The following DLGAP1 variants were observed in gnomAD, a reference collection of about 807,000 sequenced individuals.
DLGAP1 encodes the protein disks large-associated protein 1.
In DLGAP1, 11 loss-of-function variants were observed where a neutral mutation model predicts 90.8. The observed-to-expected ratio is 0.12, with a 90% CI of 0.08 to 0.20. The LOEUF (loss-of-function observed/expected upper bound fraction) is 0.20. Among genes scored for constraint, DLGAP1 ranks in the 10% least tolerant of loss-of-function variants. The pLI is 1.00. For synonymous variants in DLGAP1, 558 were observed against 540.7 expected, an observed-to-expected ratio of 1.03 and a Z score of -0.44; for missense variants, 1,050 against 1,333.8, an observed-to-expected ratio of 0.79 and a Z score of 3.31.
intron 1 of DLGAP1, among the ~76,000 whole-genome samples, chr18:4,280,159 G>T (rs185231821): frequency 1.6e-3 from 236 of 151,976 alleles, no homozygotes; most frequent in African/African-American, 5.4e-3. Context: ...CTTAATATCT[G>T]TATAAGTTGA....
chr18:3,691,357 G>C (rs904903733), intron 7 of DLGAP1, among the ~76,000 whole-genome samples: 1 of 151,514 alleles, frequency 6.6e-6, no homozygotes, highest in Non-Finnish European at 1.5e-5. Context: ...GAACCTGGGA[G>C]ATGGAGGTTG....
intron 7 of DLGAP1, among the ~76,000 whole-genome samples, chr18:3,582,704 G>A (rs1051659113): frequency 7.9e-5 from 12 of 152,070 alleles, no homozygotes; most frequent in Admixed American, 7.9e-4. Flanking sequence ...AAGAAAAAAG[G>A]AAGGCAAAGA....
rs184975905 is a variant in DLGAP1, at chr18:3,757,484, A to C, written c.1173-14972T>G. On this transcript the variant is annotated intron_variant, in intron 5 of 12. Coordinates refer to ENST00000315677, the MANE Select transcript of DLGAP1 (RefSeq NM_004746.4). The stretch of plus-strand genomic sequence containing the variant: ...TAATAGCCCTCATTAATATACACCC[A>C]AAAATTCCCAACAAAACAATAGTAA... Among the ~76,000 whole-genome samples, 25 of 152,344 alleles carry C rather than the reference A, an allele frequency of 1.6e-4. No homozygotes were observed. In the East Asian group the frequency reaches 2.9e-3, roughly 18 times the overall value.
rs77930009 is a variant in DLGAP1, at chr18:3,990,628, TATAATAATAATA to T, written c.-73+14476_-73+14487del. 1.2e-3 allele frequency among the ~76,000 whole-genome samples: 168 copies of T among 143,246 alleles called. 1 individual carries two copies. The highest frequency in any genetic ancestry group is 3.6e-3 in the Middle Eastern group (1 of 276). The allele number at this position is 143,246 out of a possible 152,430, so 94.0% of individuals were successfully genotyped here. A position where few individuals can be genotyped will look rare whatever the true frequency, so the allele number is the denominator to read the frequency against. On this transcript the variant is annotated intron_variant, in intron 3 of 12. Coordinates refer to ENST00000315677, the MANE Select transcript of DLGAP1 (RefSeq NM_004746.4). ...TGCACATGTACCCTAAAACTTAAAA[TATAATAATAATA>T]ATAATAATAATAATAATAATAATAA...
At chr18:4,233,758 G>T (rs529258266) in intron 1 of DLGAP1, among the ~76,000 whole-genome samples, 11 of 152,204 alleles carry the variant, frequency 7.2e-5, no homozygotes, top group Non-Finnish European at 1.3e-4. Context: ...GGAGATAAAA[G>T]ATACTTTTTG....
At chr18:4,003,866 G>T (rs2074248435) in intron 3 of DLGAP1, among the ~76,000 whole-genome samples, 1 of 152,176 alleles carries the variant, frequency 6.6e-6, no homozygotes, top group African/African-American at 2.4e-5. Context: ...GCAGCCTCAG[G>T]CTCTAAGGAA....
chr18:4,148,191 C>T (rs1025060497), intron 2 of DLGAP1, among the ~76,000 whole-genome samples: 14 of 152,134 alleles, frequency 9.2e-5, no homozygotes, highest in African/African-American at 3.4e-4. Flanking sequence ...TAAGCTTGCT[C>T]TAGACCAATC....
intron 2 of DLGAP1, among the ~76,000 whole-genome samples, chr18:4,055,348 C>T (rs553550533): frequency 5.3e-5 from 8 of 152,218 alleles, no homozygotes; most frequent in African/African-American, 1.2e-4. Context: ...AATTGCACAC[C>T]GTGAGAGTTT....
intron 2 of DLGAP1, among the ~76,000 whole-genome samples, chr18:4,064,387 T>G (rs1179875127): frequency 6.6e-6 from 1 of 151,364 alleles, no homozygotes; most frequent in Non-Finnish European, 1.5e-5. Flanking sequence ...GAAAAACCAT[T>G]CAAAAGATCA....
intron 2 of DLGAP1, among the ~76,000 whole-genome samples, chr18:4,052,143 TG>T (rs2075143156): frequency 6.6e-6 from 1 of 152,190 alleles, no homozygotes; most frequent in African/African-American, 2.4e-5. Context: ...ATCCACCATT[TG>T]GGAGTCTGGA....
chr18:4,111,437 T>A (rs1377166089), intron 2 of DLGAP1, among the ~76,000 whole-genome samples: 1 of 152,174 alleles, frequency 6.6e-6, no homozygotes, highest in African/African-American at 2.4e-5. Flanking sequence ...CATCATAGAA[T>A]AAGTTAGGAA....
At chr18:4,288,216 G>A (rs551643617) in intron 1 of DLGAP1, among the ~76,000 whole-genome samples, 1 of 152,228 alleles carries the variant, frequency 6.6e-6, no homozygotes, top group African/African-American at 2.4e-5. Flanking sequence ...TTTGCAATAA[G>A]GCAGATGAGG....
chr18:3,589,451 C>A (rs771404924), intron 7 of DLGAP1, among the ~76,000 whole-genome samples: 1 of 152,156 alleles, frequency 6.6e-6, no homozygotes, highest in Non-Finnish European at 1.5e-5. Context: ...CTATGTAGAG[C>A]AACTATTTAG....
In DLGAP1 at chr18:3,671,364, C is replaced by T. The variant is rs186753943; in HGVS notation, c.1591+57771G>A. Reference sequence around the variant, plus strand: ...TGTATAAACACTACAAGAAAAAAAGCTCTCAGATTATTTGCTTTTGAAGTC... The same window carrying T: ...TGTATAAACACTACAAGAAAAAAAGTTCTCAGATTATTTGCTTTTGAAGTC... On this transcript the variant is annotated intron_variant, in intron 7 of 12. Coordinates refer to ENST00000315677, the MANE Select transcript of DLGAP1 (RefSeq NM_004746.4). 3.3e-5 allele frequency among the ~76,000 whole-genome samples: 5 copies of T among 152,284 alleles called. No individual in the cohort carries two copies. The East Asian group carries it at 7.7e-4, about 23-fold the overall frequency.
At chr18:3,850,558 T>A (rs947983325) in intron 4 of DLGAP1, among the ~76,000 whole-genome samples, 4 of 152,218 alleles carry the variant, frequency 2.6e-5, no homozygotes, top group African/African-American at 9.6e-5. Context: ...AAAGAACTTT[T>A]GGTAGGGCCC....
At chr18:4,255,521 A>G (rs1266839455) in intron 1 of DLGAP1, among the ~76,000 whole-genome samples, 2 of 150,408 alleles carry the variant, frequency 1.3e-5, no homozygotes, top group Admixed American at 6.6e-5. Context: ...ATATATATAT[A>G]TACAATTTTC....
intron 10 of DLGAP1, among the ~76,000 whole-genome samples, chr18:3,523,989 C>A (rs2051438253): frequency 6.6e-6 from 1 of 152,096 alleles, no homozygotes; most frequent in South Asian, 2.1e-4. Flanking sequence ...TAACAACAGG[C>A]CAGGTGCATT....
At chr18:3,848,709 A>C (rs1263125454) in intron 4 of DLGAP1, among the ~76,000 whole-genome samples, 1 of 152,064 alleles carries the variant, frequency 6.6e-6, no homozygotes, top group Non-Finnish European at 1.5e-5. Flanking sequence ...CCATATCACC[A>C]AGAGATATTG....
At position 3,891,033 on chromosome 18, in the gene DLGAP1, T is replaced by A. The variant is rs187162187; in HGVS notation, c.-72-10893A>T. On this transcript the variant is annotated intron_variant, in intron 3 of 12. Coordinates refer to ENST00000315677, the MANE Select transcript of DLGAP1 (RefSeq NM_004746.4). Reference sequence around the variant, plus strand: ...CAACAACTATTTATTGAATAGCTATTATTACATGCAGTGCACTGGGCACTG... The same window carrying A: ...CAACAACTATTTATTGAATAGCTATAATTACATGCAGTGCACTGGGCACTG... Among the ~76,000 whole-genome samples the A allele has an allele frequency of 2.5e-3, 380 of 152,356 alleles. 3 individuals are homozygous for A. Among genetic ancestry groups the A allele is most frequent in the South Asian group, 6.8e-3 (33 of 4,824 alleles).
Sources: allele counts gnomAD v4.1 joint callset (sites outside exome capture counted in the v4.1 genomes callset), GRCh38; gene constraint gnomAD v4.1.1; transcripts MANE v1.5; gene names NCBI Gene and HGNC (gene_info 2026-07-23, HGNC 2026-07-21).